Variants in FMN2 observed in about 807,000 individuals in gnomAD.
FMN2 encodes the protein formin-2.
Under a neutral mutation model 142.3 loss-of-function variants are expected in FMN2, and 51 were observed. That is an observed-to-expected ratio of 0.36 (90% CI 0.29 to 0.45). The LOEUF (loss-of-function observed/expected upper bound fraction) is 0.45. Ranked by LOEUF, FMN2 falls within the 20% of genes least tolerant of loss-of-function variation. FMN2 has a pLI of 1.00. For synonymous variants in FMN2, 882 were observed against 869.8 expected, an observed-to-expected ratio of 1.01 and a Z score of -0.25; for missense variants, 1,936 against 2,122.8, an observed-to-expected ratio of 0.91 and a Z score of 1.73.
chr1:240,294,278 G>A (rs901446192), intron 7 of FMN2, among the ~76,000 whole-genome samples: 5 of 152,096 alleles, frequency 3.3e-5, no homozygotes, highest in Admixed American at 6.6e-5. Context: ...TTGAAGGATG[G>A]ATTTTTAAGG....
intron 15 of FMN2, among the ~76,000 whole-genome samples, chr1:240,425,053 A>G (rs1674889180): frequency 6.6e-6 from 1 of 152,196 alleles, no homozygotes; most frequent in Admixed American, 6.5e-5. Flanking sequence ...GTTATCACAC[A>G]TAGAAAATAT....
At position 240,423,623 on chromosome 1, in the gene FMN2, T is replaced by C. The variant is rs192088677; in HGVS notation, c.4911-14438T>C. ...GCTGTACTCCCAAAGGACAATGATATTGGGAGAAGAAAGTAGAGGAAAACA... is the reference window on the plus strand; with the variant it reads ...GCTGTACTCCCAAAGGACAATGATACTGGGAGAAGAAAGTAGAGGAAAACA... On this transcript the variant is annotated intron_variant, in intron 15 of 17. Coordinates refer to ENST00000319653, the MANE Select transcript of FMN2 (RefSeq NM_020066.5). Among the ~76,000 whole-genome samples, 23 of 152,286 alleles carry C rather than the reference T, an allele frequency of 1.5e-4. No individual in the cohort carries two copies. The East Asian group carries it at 4.4e-3, about 29-fold the overall frequency.
intron 15 of FMN2, among the ~76,000 whole-genome samples, chr1:240,436,141 G>A (rs999611730): frequency 6.6e-6 from 1 of 152,194 alleles, no homozygotes; most frequent in Admixed American, 6.5e-5. Context: ...CATTCCGCCA[G>A]GTGCATTCTA....
chr1:240,408,293 G>A (rs941464231), intron 15 of FMN2, among the ~76,000 whole-genome samples: 1 of 152,068 alleles, frequency 6.6e-6, no homozygotes, highest in Admixed American at 6.5e-5. Flanking sequence ...GAGCAACTAG[G>A]CCAAACATTC....
intron 14 of FMN2, among the ~76,000 whole-genome samples, chr1:240,391,282 T>C (rs899866227): frequency 3.3e-5 from 5 of 152,196 alleles, no homozygotes; most frequent in Admixed American, 1.3e-4. Context: ...CACTGGGTTA[T>C]GACTTTGCAG....
At chr1:240,289,012 C>T (rs1016698740) in intron 7 of FMN2, among the ~76,000 whole-genome samples, 2 of 152,142 alleles carry the variant, frequency 1.3e-5, no homozygotes, top group African/African-American at 4.8e-5. Flanking sequence ...ATTTGTGACC[C>T]ACAGAACGTG....
chr1:240,429,787 A>G (rs1353884386), intron 15 of FMN2, among the ~76,000 whole-genome samples: 1 of 152,156 alleles, frequency 6.6e-6, no homozygotes, highest in Non-Finnish European at 1.5e-5. Flanking sequence ...TTTATAGATC[A>G]CAGTGTATCC....
Position 240,141,190 on chromosome 1 carries a change from C to G in FMN2, c.1782+17845C>G, listed in dbSNP as rs568133440. Among the ~76,000 whole-genome samples the G allele has an allele frequency of 3.3e-5, 5 of 152,190 alleles. No individual in the cohort carries two copies. In the East Asian group the frequency reaches 9.7e-4, roughly 29 times the overall value. ...GTCAGGTGAATGTGTTATGAAGAAT[C>G]CTGGACATTTTTAGAGATCTTTGAA... is the stretch of plus-strand genomic sequence containing the variant. On this transcript the variant is annotated intron_variant, in intron 2 of 17. Coordinates refer to ENST00000319653, the MANE Select transcript of FMN2 (RefSeq NM_020066.5).
At chr1:240,163,349 CTGCCAATTTTTGCTATGTG>C (rs1436348275) in intron 2 of FMN2, among the ~76,000 whole-genome samples, 2 of 152,154 alleles carry the variant, frequency 1.3e-5, no homozygotes, top group Non-Finnish European at 2.9e-5. Context: ...CCTTAGAGCT[CTGCCAATTTTTGCTATGTG>C]TGCTTTGAAG....
chr1:240,117,129 C>T (rs1056005044), intron 1 of FMN2, among the ~76,000 whole-genome samples: 1 of 152,156 alleles, frequency 6.6e-6, no homozygotes, highest in Non-Finnish European at 1.5e-5. Context: ...AGAACTTGCT[C>T]TTGTTTGTCA....
chr1:240,216,371 G>A (rs1666896003), intron 6 of FMN2, among the ~76,000 whole-genome samples: 1 of 152,180 alleles, frequency 6.6e-6, no homozygotes, highest in African/African-American at 2.4e-5. Flanking sequence ...TGTAAAAGAA[G>A]AATCTGATAT....
chr1:240,384,257 T>C (rs1486629640), intron 14 of FMN2, among the ~76,000 whole-genome samples: 1 of 152,122 alleles, frequency 6.6e-6, no homozygotes, highest in African/African-American at 2.4e-5. Context: ...TTATGTAATA[T>C]ATCTATGTAA....
intron 16 of FMN2, among the ~76,000 whole-genome samples, chr1:240,449,190 T>C (rs1264897211): frequency 2.6e-5 from 4 of 151,816 alleles, no homozygotes; most frequent in Admixed American, 6.6e-5. Flanking sequence ...AATGAATTTG[T>C]CTGTCTTTGC....
At chr1:240,463,899 A>T (rs1676526840) in intron 16 of FMN2, among the ~76,000 whole-genome samples, 1 of 152,088 alleles carries the variant, frequency 6.6e-6, no homozygotes, top group South Asian at 2.1e-4. Flanking sequence ...GCTACTCGGG[A>T]GGCTGAGGCA....
intron 16 of FMN2, among the ~76,000 whole-genome samples, chr1:240,442,387 C>T (rs1572319870): frequency 6.6e-6 from 1 of 152,302 alleles, no homozygotes; most frequent in East Asian, 1.9e-4. Flanking sequence ...GTTCACAAAC[C>T]TGATCCTGAA....
At chr1:240,187,269 C>CA (rs10610560) in intron 3 of FMN2, among the ~76,000 whole-genome samples, 2,097 of 83,560 alleles carry the variant, frequency 0.025, 64 homozygotes, top group African/African-American at 0.069. Context: ...AACTCCATCT[C>CA]AAAAAAAAAA....
intron 7 of FMN2, among the ~76,000 whole-genome samples, chr1:240,289,750 T>G (rs1354404669): frequency 1.3e-5 from 2 of 152,178 alleles, no homozygotes; most frequent in African/African-American, 4.8e-5. Context: ...TCAAAATATG[T>G]GAAAGATCAA....
At chr1:240,116,698 G>T (rs1485365937) in intron 1 of FMN2, among the ~76,000 whole-genome samples, 1 of 152,044 alleles carries the variant, frequency 6.6e-6, no homozygotes, top group Non-Finnish European at 1.5e-5. Context: ...TGAGGCTGCA[G>T]TGAGTTATGA....
intron 1 of FMN2, among the ~76,000 whole-genome samples, chr1:240,100,750 C>T (rs528403081): frequency 1.3e-5 from 2 of 152,262 alleles, no homozygotes; most frequent in African/African-American, 4.8e-5. Flanking sequence ...CAGTCAGGCT[C>T]CAACCTACCA....
Sources: gnomAD v4.1 joint callset for allele counts (sites outside exome capture counted in the v4.1 genomes callset) on GRCh38, gnomAD v4.1.1 for gene constraint, MANE v1.5 for transcripts, NCBI Gene and HGNC (gene_info 2026-07-23, HGNC 2026-07-21) for gene names.